Variants in CRHR2 observed in about 807,000 individuals in gnomAD.
The protein encoded by CRHR2 is corticotropin-releasing hormone receptor 2.
A neutral mutation model predicts 57.9 loss-of-function variants in CRHR2; 53 were observed. That is an observed-to-expected ratio of 0.92 (90% CI 0.73 to 1.15). CRHR2 has a LOEUF of 1.15. Ranked by LOEUF, CRHR2 falls within the 50% of genes most tolerant of loss-of-function variation. The pLI is 0.00. For synonymous variants in CRHR2, 213 were observed against 220.9 expected (o/e 0.96, Z 0.32); for missense variants, 532 against 542.6 (o/e 0.98, Z 0.19).
chr7:30,693,448 A>C (rs1458740606), intron 1 of CRHR2, among the ~76,000 whole-genome samples: 2 of 152,058 alleles, frequency 1.3e-5, no homozygotes, highest in Admixed American at 1.3e-4. Flanking sequence ...TGGTGCGGGG[A>C]GGGTGGCATC....
chr7:30,683,171 T>C (rs1474450490), upstream of CRHR2, among the ~76,000 whole-genome samples: 1 of 152,170 alleles, frequency 6.6e-6, no homozygotes, highest in South Asian at 2.1e-4. Context: ...GGCCATTTAA[T>C]CAGATGGAGT....
intron 2 of CRHR2, 125 bp from the exon 3 acceptor site, chr7:30,667,438 G>A: frequency 1.5e-6 from 1 of 675,360 alleles, no homozygotes; most frequent in South Asian, 1.9e-5. Context: ...AATACAATGT[G>A]CATCTGAAAG....
intron 7 of CRHR2, among the ~76,000 whole-genome samples, chr7:30,661,501 C>T (rs1783998453): frequency 6.6e-6 from 1 of 152,180 alleles, no homozygotes; most frequent in African/African-American, 2.4e-5. Flanking sequence ...TCCATTCTTG[C>T]CCCCACTCTG....
chr7:30,653,140 C>G lies in CRHR2; in HGVS notation c.*320G>C. The G allele has an allele frequency of 3.3e-6, 1 of 301,640 alleles. No individual in the cohort carries two copies. Among genetic ancestry groups the G allele is most frequent in the Non-Finnish European group, 6.2e-6 (1 of 160,258 alleles). The allele number at this position is 301,640 out of a possible 1,614,324, so 18.7% of individuals were successfully genotyped here. On this transcript the variant is annotated 3_prime_UTR_variant, in exon 12 of 12. Transcript: ENST00000471646. This position sits in a 1 kb window ranked among gnomAD's most constrained non-coding sequence, Gnocchi z 5.0. Reference sequence around the variant, plus strand: ...ACTATAAATAGCTGTGTGTGTTGGACAGGTCCTTCTCTGCTCTGGGCCCAG... The same window carrying G: ...ACTATAAATAGCTGTGTGTGTTGGAGAGGTCCTTCTCTGCTCTGGGCCCAG...
intron 1 of CRHR2, chr7:30,689,385 C>T (rs1430671268): frequency 1.0e-6 from 1 of 955,374 alleles, no homozygotes; most frequent in South Asian, 1.5e-5. Context: ...CCTTACTCCT[C>T]TTAGTACAGA....
chr7:30,671,694 C>T (rs932916698), intron 2 of CRHR2, among the ~76,000 whole-genome samples: 5 of 149,830 alleles, frequency 3.3e-5, no homozygotes, highest in Non-Finnish European at 7.4e-5. Context: ...GTAGTCTCAG[C>T]TACTCAGAAG....
intron 7 of CRHR2, 78 bp from the exon 8 acceptor site, chr7:30,660,723 C>A: frequency 7.4e-7 from 1 of 1,352,462 alleles, no homozygotes. Context: ...CCAGGGTCCT[C>A]CAGCTTTACC....
chr7:30,655,469 A>G, intron 10 of CRHR2, 111 bp downstream of exon 10: 3 of 1,331,106 alleles, frequency 2.3e-6, no homozygotes, highest in Non-Finnish European at 3.1e-6. Flanking sequence ...CTGTGGATGT[A>G]ACTGAGCCAT....
chr7:30,665,919 G>A lies in CRHR2; in HGVS notation c.316-280C>T, dbSNP rs1348579480. On this transcript the variant is annotated intron_variant, in intron 3 of 11. Transcript: ENST00000471646. This position sits in a 1 kb window ranked among gnomAD's most constrained non-coding sequence, Gnocchi z 4.5. Reference sequence around the variant, plus strand: ...AGCTGGGGTCCAGTGGCTATTCACAGGTGTGATCACAGTGCACCGCAGCCT... The same window carrying A: ...AGCTGGGGTCCAGTGGCTATTCACAAGTGTGATCACAGTGCACCGCAGCCT... Among the ~76,000 whole-genome samples the A allele has an allele frequency of 6.6e-6, 1 of 152,162 alleles. No homozygotes were observed. Among genetic ancestry groups the A allele is most frequent in the Non-Finnish European group, 1.5e-5 (1 of 68,024 alleles).
At chr7:30,654,808 T>C in intron 11 of CRHR2, 1 of 1,538,886 alleles carries the variant, frequency 6.5e-7, no homozygotes, top group Non-Finnish European at 8.7e-7. Context: ...CTCACCCAGC[T>C]CTGAGTGCAC....
intron 8 of CRHR2, among the ~76,000 whole-genome samples, chr7:30,660,128 C>T (rs1236280765): frequency 6.6e-6 from 1 of 152,206 alleles, no homozygotes; most frequent in African/African-American, 2.4e-5. Flanking sequence ...TATGCTGCAT[C>T]CCGGTATTCA....
chr7:30,657,922 A>G (rs1014138181), intron 8 of CRHR2, among the ~76,000 whole-genome samples: 1 of 152,084 alleles, frequency 6.6e-6, no homozygotes, highest in African/African-American at 2.4e-5. Context: ...CTACCTACCC[A>G]ATAACCAATC....
chr7:30,653,807 C>T lies in CRHR2; in HGVS notation c.1096-207G>A, dbSNP rs1326355663. The stretch of plus-strand genomic sequence containing the variant: ...CTTTTCCTGGAGAAGCTTGACTCCA[C>T]ACCTCCTTTACTCCACACTGTCCTC... On this transcript the variant is annotated intron_variant, in intron 11 of 11. Coordinates refer to ENST00000471646, the MANE Select transcript of CRHR2 (RefSeq NM_001883.5). This position sits in a 1 kb window ranked among gnomAD's most constrained non-coding sequence, Gnocchi z 5.0. 6.6e-6 allele frequency among the ~76,000 whole-genome samples: 1 copy of T among 152,174 alleles called. No homozygotes were observed. Among genetic ancestry groups the T allele is most frequent in the Non-Finnish European group, 1.5e-5 (1 of 68,032 alleles).
chr7:30,679,450 G>A (rs1562805373), intron 2 of CRHR2, among the ~76,000 whole-genome samples: 1 of 152,176 alleles, frequency 6.6e-6, no homozygotes. Context: ...CAGAGGGAGT[G>A]TGGGCGAGTG....
At chr7:30,672,854 T>G (rs115033131) in intron 2 of CRHR2, among the ~76,000 whole-genome samples, 2,311 of 152,310 alleles carry the variant, frequency 0.015, 58 homozygotes, top group African/African-American at 0.051. Context: ...TTTGGTCTGG[T>G]GGGACCAGAA....
At chr7:30,663,903 A>C (rs1002133538) in intron 5 of CRHR2, among the ~76,000 whole-genome samples, 1 of 152,198 alleles carries the variant, frequency 6.6e-6, no homozygotes, top group Non-Finnish European at 1.5e-5. Flanking sequence ...TCTGGCTCTG[A>C]CAGCCCCAGT....
At chr7:30,664,786 A>G (rs1025334475) in intron 5 of CRHR2, among the ~76,000 whole-genome samples, 2 of 152,064 alleles carry the variant, frequency 1.3e-5, no homozygotes, top group Non-Finnish European at 2.9e-5. Flanking sequence ...GGACTGGTGA[A>G]CATCAGTCTC....
chr7:30,683,380 G>A (rs564627262), upstream of CRHR2, among the ~76,000 whole-genome samples: 213 of 152,320 alleles, frequency 1.4e-3, 2 homozygotes, highest in African/African-American at 4.7e-3. Flanking sequence ...CACAGCAGGT[G>A]TGGAGGAGCT....
chr7:30,661,257 A>C (rs557657839), intron 7 of CRHR2, among the ~76,000 whole-genome samples: 27 of 152,300 alleles, frequency 1.8e-4, no homozygotes, highest in African/African-American at 5.5e-4. Flanking sequence ...TCGGCCAGCA[A>C]CTACTGGACC....
Sources: allele counts gnomAD v4.1 joint callset (sites outside exome capture counted in the v4.1 genomes callset), GRCh38; gene constraint gnomAD v4.1.1; non-coding constraint Gnocchi (gnomAD v3.1); transcripts MANE v1.5; gene names NCBI Gene and HGNC (gene_info 2026-07-23, HGNC 2026-07-21).